The following LSP1 variants were observed in gnomAD, a reference collection of about 807,000 sequenced individuals.
LSP1 encodes the protein lymphocyte specific protein 1.
Under a neutral mutation model 49.3 loss-of-function variants are expected in LSP1, and 32 were observed. The ratio of observed to expected loss-of-function variants is 0.65; its 90% CI spans 0.49 to 0.87. LSP1 has a LOEUF of 0.87. LSP1 is among the 40% of genes least tolerant of loss of function. The probability of loss-of-function intolerance (pLI) is 0.00; values close to 1 mark genes in which losing one functional copy is unlikely to be tolerated. For synonymous variants in LSP1, 179 were observed against 178.8 expected, an observed-to-expected ratio of 1.00 and a Z score of -0.01; for missense variants, 428 against 442.6, an observed-to-expected ratio of 0.97 and a Z score of 0.30.
chr11:1,857,201 A>AC (rs1847511383), intron 1 of LSP1, among the ~76,000 whole-genome samples: 1 of 151,484 alleles, frequency 6.6e-6, no homozygotes, highest in Non-Finnish European at 1.5e-5. Flanking sequence ...CACAGGCCCC[A>AC]CCCCCGCTGA....
intron 1 of LSP1, among the ~76,000 whole-genome samples, chr11:1,877,645 C>T (rs988807334): frequency 2.0e-5 from 3 of 151,914 alleles, no homozygotes; most frequent in East Asian, 1.9e-4. Context: ...TGGAGGGGGA[C>T]GTGGTCCCCT....
chr11:1,877,667 C>G (rs1328952117), intron 1 of LSP1, among the ~76,000 whole-genome samples: 1 of 152,214 alleles, frequency 6.6e-6, no homozygotes, highest in Non-Finnish European at 1.5e-5. Context: ...GTTCCCAAGC[C>G]TGTCTGCACA....
chr11:1,887,699 C>G, intron 10 of LSP1, 123 bp downstream of exon 10: 1 of 669,650 alleles, frequency 1.5e-6, no homozygotes. Flanking sequence ...TCCGAGTTGG[C>G]CAGAACCCAG....
chr11:1,870,369 A>T lies in LSP1; in HGVS notation c.54-9718A>T, dbSNP rs7929436. The T allele has an allele frequency of 0.011, 13,444 of 1,259,018 alleles. 1,024 individuals are homozygous for T. In the African/African-American group the frequency reaches 0.17, roughly 16 times the overall value. 78.0% of individuals were successfully genotyped at this position (1,259,018 alleles called of 1,614,324 possible). A position where few individuals can be genotyped will look rare whatever the true frequency, so the allele number is the denominator to read the frequency against. On this transcript the variant is annotated intron_variant, in intron 1 of 10. Coordinates refer to ENST00000311604, the MANE Select transcript of LSP1 (RefSeq NM_002339.3). ...TACACCGGGGAGTCTCCTGGGAAAG[A>T]AGTGCCGGCCCAGGGGCAGACTCTT...
At chr11:1,888,850 G>A in intron 10 of LSP1, 3 of 355,406 alleles carry the variant, frequency 8.4e-6, no homozygotes, top group African/African-American at 2.1e-5. Context: ...CTTACCTAAA[G>A]TTTTCATCCC....
chr11:1,853,513 T>G (rs1032479511), intron 1 of LSP1, among the ~76,000 whole-genome samples: 8 of 152,202 alleles, frequency 5.3e-5, no homozygotes, highest in African/African-American at 1.9e-4. Context: ...TGTCCTGGAC[T>G]GCCAGGGAGG....
intron 1 of LSP1, among the ~76,000 whole-genome samples, chr11:1,873,952 A>AGAGGAGGGAGGCTGGCG (rs1565079338): frequency 3.0e-4 from 31 of 102,052 alleles, no homozygotes; most frequent in South Asian, 6.1e-4. Context: ...GGAGGCCGGC[A>AGAGGAGGGAGGCTGGCG]GAGCAGGGAG....
chr11:1,877,752 C>T (rs1848371480), intron 1 of LSP1, among the ~76,000 whole-genome samples: 1 of 152,196 alleles, frequency 6.6e-6, no homozygotes. Flanking sequence ...GGCATGTATG[C>T]CTGTGTGGCT....
At chr11:1,864,703 A>G (rs1269001837) in intron 1 of LSP1, among the ~76,000 whole-genome samples, 1 of 151,756 alleles carries the variant, frequency 6.6e-6, no homozygotes, top group Non-Finnish European at 1.5e-5. Context: ...GGAGAGGGGA[A>G]AGGGAGACCC....
In LSP1 at chr11:1,886,803, C is replaced by G; in HGVS notation, c.789C>G (p.Thr263=). 6.2e-7 allele frequency: 1 copy of G among 1,611,938 alleles called. No individual in the cohort carries two copies. Among genetic ancestry groups the G allele is most frequent in the East Asian group, 2.2e-5 (1 of 44,884 alleles). ...IELPSMAVAS[T]KSRWETGEVQ... is the part of the protein sequence containing the mutation. Reference sequence around the variant, plus strand: ...TGCCCAGCATGGCTGTGGCCAGTACCAAGAGTCGGTGGGAGACGGGTGAGG... The same window carrying G: ...TGCCCAGCATGGCTGTGGCCAGTACGAAGAGTCGGTGGGAGACGGGTGAGG... Residue 263 remains threonine, a synonymous_variant, in exon 8 of 11, where the codon ACC becomes ACG. Coordinates refer to ENST00000311604, the MANE Select transcript of LSP1 (RefSeq NM_002339.3).
rs1161226657 is a variant in LSP1 at position 1,865,149 on chromosome 11, C to G, written c.53+11952C>G. 5.1e-6 allele frequency: 5 copies of G among 977,510 alleles called. No homozygotes were observed. In the African/African-American group the frequency reaches 7.0e-5, roughly 14 times the overall value. The allele number at this position is 977,510 out of a possible 1,614,324, so 60.6% of individuals were successfully genotyped here. A position where few individuals can be genotyped will look rare whatever the true frequency, so the allele number is the denominator to read the frequency against. ...GGACAGGAGCCTTTGAGATGCTGCT[C>G]TATCCCCGGGGCTGGGGTCAGGCCA... On this transcript the variant is annotated intron_variant, in intron 1 of 10. Transcript: ENST00000311604.
At chr11:1,865,204 G>A in intron 1 of LSP1, 3 of 985,750 alleles carry the variant, frequency 3.0e-6, no homozygotes, top group Non-Finnish European at 3.6e-6. Context: ...GCTGCAGCCT[G>A]GGCAGTCCCG....
At chr11:1,871,380 G>C in intron 1 of LSP1, 1 of 986,286 alleles carries the variant, frequency 1.0e-6, no homozygotes, top group South Asian at 4.7e-5. Flanking sequence ...GGTGCTGCCG[G>C]CACAGGGCTG....
At chr11:1,861,603 A>G (rs1037288307) in intron 1 of LSP1, among the ~76,000 whole-genome samples, 8 of 151,332 alleles carry the variant, frequency 5.3e-5, no homozygotes, top group Admixed American at 5.3e-4. Context: ...GGATGGATGA[A>G]TGGATGGGTA....
intron 10 of LSP1, chr11:1,890,935 C>A: frequency 4.2e-6 from 1 of 239,330 alleles, no homozygotes; most frequent in Non-Finnish European, 8.2e-6. Context: ...ACCGTGTGGG[C>A]TGGGGTGGGA....
At chr11:1,858,381 C>T (rs1847540924) in intron 1 of LSP1, among the ~76,000 whole-genome samples, 1 of 152,216 alleles carries the variant, frequency 6.6e-6, no homozygotes, top group Non-Finnish European at 1.5e-5. Context: ...CCAAGCTCAG[C>T]AAGCACTTAA....
chr11:1,853,242 G>C (rs757151033), intron 1 of LSP1, 45 bp downstream of exon 1: 1 of 1,588,330 alleles, frequency 6.3e-7, no homozygotes, highest in Non-Finnish European at 8.5e-7. Context: ...CGTGTCCACG[G>C]GTGCATAGTC....
intron 1 of LSP1, chr11:1,868,816 T>A (rs1178270863): frequency 2.0e-6 from 2 of 985,598 alleles, no homozygotes; most frequent in Non-Finnish European, 2.4e-6. Context: ...CAGGCTTCAG[T>A]CCCAGCCGGC....
chr11:1,872,065 C>CAT (rs1848043447), intron 1 of LSP1, among the ~76,000 whole-genome samples: 1 of 92,222 alleles, frequency 1.1e-5, no homozygotes, highest in Non-Finnish European at 2.1e-5. Context: ...CCCTGGTGCA[C>CAT]GCTGGTAGAG....
Sources: allele counts gnomAD v4.1 joint callset (sites outside exome capture counted in the v4.1 genomes callset), GRCh38; gene constraint gnomAD v4.1.1; transcripts MANE v1.5; gene names NCBI Gene and HGNC (gene_info 2026-07-23, HGNC 2026-07-21).